The following MAP3K4 variants were observed in gnomAD, a reference collection of about 807,000 sequenced individuals.
MAP3K4 encodes mitogen-activated protein kinase kinase kinase 4, also known as MAP three kinase 1.
In MAP3K4, 67 loss-of-function variants were observed where a neutral mutation model predicts 185.6. The ratio of observed to expected loss-of-function variants is 0.36; its 90% CI spans 0.30 to 0.44. The LOEUF is 0.44. Among genes scored for constraint, MAP3K4 ranks in the 20% least tolerant of loss-of-function variants. The pLI is 1.00. For missense variants in MAP3K4, 1,551 were observed against 1,995.1 expected (o/e 0.78, Z 4.24); for synonymous variants, 702 against 710.4 (o/e 0.99, Z 0.19).
At chr6:161,036,574 A>C (rs968879236) in intron 2 of MAP3K4, among the ~76,000 whole-genome samples, 4 of 152,198 alleles carry the variant, frequency 2.6e-5, no homozygotes, top group African/African-American at 9.6e-5. Context: ...TGTTTTATGA[A>C]CTTTTTTTGT....
At chr6:161,025,275 T>G (rs1782588614) in intron 1 of MAP3K4, among the ~76,000 whole-genome samples, 1 of 152,238 alleles carries the variant, frequency 6.6e-6, no homozygotes, top group African/African-American at 2.4e-5. Flanking sequence ...CAGCCATTTC[T>G]CCAAAATTCT....
In MAP3K4 at chr6:161,101,870, A is replaced by G. The variant is rs763062918; in HGVS notation, c.3675-22A>G. On this transcript the variant is annotated intron_variant, in intron 17 of 26. Coordinates refer to ENST00000392142, the MANE Select transcript of MAP3K4 (RefSeq NM_005922.4). The surrounding 1 kb of genome is among the most constrained non-coding windows in gnomAD (Gnocchi z 5.1). ...TAAGTTCTATTGAATTGATAGCTCA[A>G]TTATTAAAAATATTAAAACAGGGGT... is the stretch of plus-strand genomic sequence containing the variant. 30 of 1,583,956 alleles carry G rather than the reference A, an allele frequency of 1.9e-5. No individual in the cohort carries two copies. Among genetic ancestry groups the G allele is most frequent in the Admixed American group, 1.8e-4 (11 of 59,476 alleles).
At chr6:161,012,853 T>C (rs189155359) in intron 1 of MAP3K4, among the ~76,000 whole-genome samples, 3 of 152,280 alleles carry the variant, frequency 2.0e-5, no homozygotes, top group South Asian at 2.1e-4. Flanking sequence ...TCTAAATGTA[T>C]TGTGAGCATT....
chr6:161,006,606 G>C (rs1006920848), intron 1 of MAP3K4, among the ~76,000 whole-genome samples: 2 of 152,116 alleles, frequency 1.3e-5, no homozygotes, highest in African/African-American at 4.8e-5. Flanking sequence ...AGATACTGAA[G>C]GATGGCTGTA....
At chr6:161,033,445 T>C (rs1302794748) in intron 1 of MAP3K4, among the ~76,000 whole-genome samples, 1 of 152,212 alleles carries the variant, frequency 6.6e-6, no homozygotes, top group Non-Finnish European at 1.5e-5. Flanking sequence ...GGATAGAGAA[T>C]TGGCAGGCAG....
Position 161,098,149 on chromosome 6 carries a change from G to A in MAP3K4, c.3525-129G>A. The A allele has an allele frequency of 8.7e-7, 1 of 1,144,234 alleles. No homozygotes were observed. 70.9% of individuals were successfully genotyped at this position (1,144,234 alleles called of 1,614,324 possible). On this transcript the variant is annotated intron_variant, in intron 16 of 26. Coordinates refer to ENST00000392142, the MANE Select transcript of MAP3K4 (RefSeq NM_005922.4). The surrounding 1 kb of genome is among the most constrained non-coding windows in gnomAD (Gnocchi z 4.4). The stretch of plus-strand genomic sequence containing the variant: ...TTTACACCTAGACTCAAATCTCAAA[G>A]AACAATTTGCATTTTATATTTTTAA...
At chr6:161,028,290 T>C (rs1782765319) in intron 1 of MAP3K4, among the ~76,000 whole-genome samples, 1 of 150,546 alleles carries the variant, frequency 6.6e-6, no homozygotes, top group Non-Finnish European at 1.5e-5. Flanking sequence ...TGGATAAGAC[T>C]TCTAAATTAA....
At position 160,994,876 on chromosome 6, in the gene MAP3K4, T is replaced by C. The variant is rs532324900; in HGVS notation, c.152+2793T>C. Among the ~76,000 whole-genome samples the C allele has an allele frequency of 5.3e-5, 8 of 152,248 alleles. No individual in the cohort carries two copies. In the East Asian group the frequency reaches 1.4e-3, roughly 26 times the overall value. ...CCACCAGGTCCAGCTCATTTTTGTA[T>C]TTTTAGTAGAGACAAGGTTTCACCA... On this transcript the variant is annotated intron_variant, in intron 1 of 26. Transcript: ENST00000392142.
chr6:161,116,622 C>T lies in MAP3K4; in HGVS notation c.4807-228C>T, dbSNP rs148780277. 1.3e-5 allele frequency among the ~76,000 whole-genome samples: 2 copies of T among 152,228 alleles called. No homozygotes were observed. The highest frequency in any genetic ancestry group is 4.8e-5 in the African/African-American group (2 of 41,522). Reference sequence around the variant, plus strand: ...ATATTGACCTGAGAGTGCATATAGGCGTTTTAGAAAATGCTTTCATTAGTC... The same window carrying T: ...ATATTGACCTGAGAGTGCATATAGGTGTTTTAGAAAATGCTTTCATTAGTC... On this transcript the variant is annotated intron_variant, in intron 26 of 26. Transcript: ENST00000392142. This position sits in a 1 kb window ranked among gnomAD's most constrained non-coding sequence, Gnocchi z 6.2.
At chr6:160,998,390 T>A (rs2115038236) in intron 1 of MAP3K4, among the ~76,000 whole-genome samples, 1 of 152,352 alleles carries the variant, frequency 6.6e-6, no homozygotes, top group South Asian at 2.1e-4. Context: ...ACACATTTTA[T>A]TTTAAAATAA....
At chr6:161,000,685 G>GAT (rs949700524) in intron 1 of MAP3K4, among the ~76,000 whole-genome samples, 6 of 151,688 alleles carry the variant, frequency 4.0e-5, no homozygotes, top group Admixed American at 3.9e-4. Flanking sequence ...ATTTTCCCCT[G>GAT]ATATATATAC....
chr6:161,044,279 A>G (rs1414691736), intron 2 of MAP3K4, among the ~76,000 whole-genome samples: 1 of 152,204 alleles, frequency 6.6e-6, no homozygotes, highest in South Asian at 2.1e-4. Context: ...GCCAAATAAA[A>G]CATTCTATAT....
At position 161,091,612 on chromosome 6, in the gene MAP3K4, C is replaced by G. The variant is rs1747527487; in HGVS notation, c.3135+72C>G. The G allele has an allele frequency of 1.5e-6, 2 of 1,315,276 alleles. No individual in the cohort carries two copies. The highest frequency in any genetic ancestry group is 2.9e-5 in the African/African-American group (2 of 67,800). 81.5% of individuals were successfully genotyped at this position (1,315,276 alleles called of 1,614,324 possible). A position where few individuals can be genotyped will look rare whatever the true frequency, so the allele number is the denominator to read the frequency against. On this transcript the variant is annotated intron_variant, in intron 12 of 26. Transcript: ENST00000392142. This position sits in a 1 kb window ranked among gnomAD's most constrained non-coding sequence, Gnocchi z 5.5. Reference sequence around the variant, plus strand: ...GATAACTTACAGAAAGTTTTTGGAACCTTTTACAGTAAATCTGATATTGTA... The same window carrying G: ...GATAACTTACAGAAAGTTTTTGGAAGCTTTTACAGTAAATCTGATATTGTA...
At chr6:161,030,732 A>G (rs1341395384) in intron 1 of MAP3K4, among the ~76,000 whole-genome samples, 1 of 152,094 alleles carries the variant, frequency 6.6e-6, no homozygotes, top group Non-Finnish European at 1.5e-5. Flanking sequence ...TTTTGATAGG[A>G]TGGAAAACGT....
chr6:161,044,668 G>A (rs1783638521), intron 2 of MAP3K4, among the ~76,000 whole-genome samples: 1 of 152,190 alleles, frequency 6.6e-6, no homozygotes, highest in Non-Finnish European at 1.5e-5. Context: ...TGGCTATAAA[G>A]GAATACTTGA....
Position 161,070,817 on chromosome 6 carries a change from T to C in MAP3K4, c.1917T>C (p.Pro639=). The stretch of plus-strand genomic sequence containing the variant: ...TGAAGTTAAGATTGGAGCAGAGACC[T>C]GCTGGAGAACCATCTCTCTTGAGTA... The part of the protein sequence containing the change: ...ECLKLRLEQR[P]AGEPSLLSIK... The change falls in exon 4 of 27, where the codon CCT becomes CCC. Residue 639 remains proline (P), a synonymous_variant. Coordinates refer to ENST00000392142, the MANE Select transcript of MAP3K4 (RefSeq NM_005922.4). This position sits in a 1 kb window ranked among gnomAD's most constrained non-coding sequence, Gnocchi z 4.5. 1 of 1,613,748 alleles carries C rather than the reference T, an allele frequency of 6.2e-7. No individual in the cohort carries two copies. The highest frequency in any genetic ancestry group is 8.5e-7 in the Non-Finnish European group (1 of 1,179,840).
chr6:161,032,362 A>G (rs4709486), intron 1 of MAP3K4, among the ~76,000 whole-genome samples: 138,421 of 152,240 alleles, frequency 0.91, 63,094 homozygotes, highest in East Asian at 0.99. Flanking sequence ...TGTGATATGA[A>G]TGGTATCAAG....
chr6:161,092,274 T>G (rs1427226401), intron 13 of MAP3K4, 131 bp downstream of exon 13: 3 of 971,162 alleles, frequency 3.1e-6, no homozygotes, highest in Non-Finnish European at 4.3e-6. Flanking sequence ...GGTGATCAGG[T>G]TTTTTTTAAT....
In MAP3K4 at chr6:161,102,882, T is replaced by C. The variant is rs889814341; in HGVS notation, c.3856+103T>C. 5.4e-5 allele frequency: 37 copies of C among 681,012 alleles called. No homozygotes were observed. The African/African-American group carries it at 5.8e-4, about 11-fold the overall frequency. The allele number at this position is 681,012 out of a possible 1,614,324, so 42.2% of individuals were successfully genotyped here. ...AAAACTTGATTTAGCTTCTGAATTA[T>C]TAGGCCTCCTCCATTACTATTTTGT... On this transcript the variant is annotated intron_variant, in intron 19 of 26. Transcript: ENST00000392142.
Sources: allele counts gnomAD v4.1 joint callset (sites outside exome capture counted in the v4.1 genomes callset), GRCh38; gene constraint gnomAD v4.1.1; non-coding constraint Gnocchi (gnomAD v3.1); transcripts MANE v1.5; gene names NCBI Gene and HGNC (gene_info 2026-07-23, HGNC 2026-07-21).